Variants in CSMD3 observed in about 807,000 individuals in gnomAD.
CSMD3 encodes CUB and sushi domain-containing protein 3.
CSMD3 carries 177 observed loss-of-function variants against 435.2 expected under a neutral mutation model. That is an observed-to-expected ratio of 0.41 (90% CI 0.36 to 0.46). The LOEUF is 0.46. CSMD3 is among the 20% of genes least tolerant of loss of function. CSMD3 has a pLI of 0.34. For missense variants in CSMD3, 4,265 were observed against 4,504.6 expected, an observed-to-expected ratio of 0.95 and a Z score of 1.52; for synonymous variants, 1,656 against 1,520.5, an observed-to-expected ratio of 1.09 and a Z score of -2.07.
intron 1 of CSMD3, among the ~76,000 whole-genome samples, chr8:113,409,388 G>T (rs2094548174): frequency 6.6e-6 from 1 of 151,750 alleles, no homozygotes; most frequent in Admixed American, 6.6e-5. Flanking sequence ...CGGCCAATAA[G>T]ACATTTTACT....
At chr8:112,594,573 A>T (rs1388958115) in intron 22 of CSMD3, among the ~76,000 whole-genome samples, 1 of 152,208 alleles carries the variant, frequency 6.6e-6, no homozygotes, top group Non-Finnish European at 1.5e-5. Context: ...CAGGGCACAA[A>T]CAAAAAGACA....
intron 40 of CSMD3, 55 bp downstream of exon 40, chr8:112,351,120 C>CTTT: frequency 9.5e-7 from 1 of 1,054,092 alleles, no homozygotes; most frequent in Non-Finnish European, 1.5e-6. Flanking sequence ...ACTTTATAGT[C>CTTT]TTTTTTTTTA....
At chr8:112,970,291 T>C (rs953308882) in intron 7 of CSMD3, among the ~76,000 whole-genome samples, 1 of 149,804 alleles carries the variant, frequency 6.7e-6, no homozygotes, top group Non-Finnish European at 1.5e-5. Flanking sequence ...TATTTTAAGT[T>C]AAATATTAAC....
chr8:112,813,436 C>A (rs777196032), intron 12 of CSMD3, among the ~76,000 whole-genome samples: 1 of 152,000 alleles, frequency 6.6e-6, no homozygotes, highest in Non-Finnish European at 1.5e-5. Context: ...TAGGATTGTA[C>A]AGGACTTTAC....
Position 113,055,741 on chromosome 8 carries a change from T to A in CSMD3, c.918-36562A>T, listed in dbSNP as rs2088302740. Among the ~76,000 whole-genome samples the A allele has an allele frequency of 1.3e-5, 2 of 152,216 alleles. 1 individual carries two copies. The highest frequency in any genetic ancestry group is 2.9e-5 in the Non-Finnish European group (2 of 68,028). ...GTTATAAAGGAAGATTGGTTGATTTTTCAGGGATAGCAGAGTTTCTTGAGT... is the reference window on the plus strand; with the variant it reads ...GTTATAAAGGAAGATTGGTTGATTTATCAGGGATAGCAGAGTTTCTTGAGT... On this transcript the variant is annotated intron_variant, in intron 5 of 70. Transcript: ENST00000297405.
chr8:112,757,684 A>C (rs2077732575), intron 13 of CSMD3, among the ~76,000 whole-genome samples: 1 of 152,138 alleles, frequency 6.6e-6, no homozygotes, highest in Non-Finnish European at 1.5e-5. Context: ...AGGAGAGGTG[A>C]TCCCTACATA....
At chr8:112,426,666 C>T (rs1813098881) in intron 32 of CSMD3, among the ~76,000 whole-genome samples, 3 of 152,192 alleles carry the variant, frequency 2.0e-5, no homozygotes, top group Non-Finnish European at 4.4e-5. Flanking sequence ...TTAAGGTTTG[C>T]TCAAATACTT....
Position 112,346,217 on chromosome 8 carries a change from CA to C in CSMD3, c.6326-5del. The C allele has an allele frequency of 6.4e-7, 1 of 1,552,880 alleles. No individual in the cohort carries two copies. The highest frequency in any genetic ancestry group is 8.9e-7 in the Non-Finnish European group (1 of 1,124,194). On this transcript the variant is annotated splice_polypyrimidine_tract_variant and splice_region_variant and intron_variant, in intron 40 of 70. Coordinates refer to ENST00000297405, the MANE Select transcript of CSMD3 (RefSeq NM_198123.2). ...GACATAGCACCACCACACTGAGCTGCAAAATAACAGAAATCCAAAGTAAACC... is the reference window on the plus strand; with the variant it reads ...GACATAGCACCACCACACTGAGCTGCAAATAACAGAAATCCAAAGTAAACC...
chr8:112,532,868 T>C (rs1236152714), intron 27 of CSMD3, among the ~76,000 whole-genome samples: 4 of 152,046 alleles, frequency 2.6e-5, no homozygotes, highest in South Asian at 2.1e-4. Context: ...GACACATCTA[T>C]CAAAAATAAC....
chr8:113,173,810 T>C lies in CSMD3; in HGVS notation c.621A>G (p.Gly207=), dbSNP rs2092306690. ...GDKIRYSCVT[G]YILDGHPQLT... ...GCTGAGGGTGGCCATCAAGGATGTA[T>C]CCAGTTACACAGCTGTAGCGGATCT... Residue 207 remains glycine (G), a synonymous_variant, in exon 4 of 71, where the codon GGA becomes GGG. Coordinates refer to ENST00000297405, the MANE Select transcript of CSMD3 (RefSeq NM_198123.2). 1.9e-6 allele frequency: 3 copies of C among 1,613,868 alleles called. No individual in the cohort carries two copies.
In CSMD3 at chr8:113,032,010, G is replaced by A. The variant is rs546555016; in HGVS notation, c.918-12831C>T. Among the ~76,000 whole-genome samples, 63 of 151,572 alleles carry A rather than the reference G, an allele frequency of 4.2e-4. 3 individuals carry two copies. Among genetic ancestry groups the A allele is most frequent in the Admixed American group, 3.7e-3 (57 of 15,206 alleles). On this transcript the variant is annotated intron_variant, in intron 5 of 70. Coordinates refer to ENST00000297405, the MANE Select transcript of CSMD3 (RefSeq NM_198123.2). ...GTAAGAAAGCGTTTTCTTCTCTTTC[G>A]CCTTCTGCCATGATAGTAAGTCTCC...
At chr8:112,476,005 T>G (rs1819007990) in intron 31 of CSMD3, among the ~76,000 whole-genome samples, 1 of 152,192 alleles carries the variant, frequency 6.6e-6, no homozygotes, top group Non-Finnish European at 1.5e-5. Flanking sequence ...TGATTATAAC[T>G]TATGTAGTTA....
intron 2 of CSMD3, among the ~76,000 whole-genome samples, chr8:113,281,730 TTTG>T (rs1489348884): frequency 6.6e-6 from 1 of 151,846 alleles, no homozygotes; most frequent in African/African-American, 2.4e-5. Flanking sequence ...TTGTTTTTTA[TTTG>T]TTTTTGGTTT....
chr8:112,407,371 C>T (rs180675742), intron 34 of CSMD3, among the ~76,000 whole-genome samples: 2 of 151,732 alleles, frequency 1.3e-5, no homozygotes, highest in Non-Finnish European at 1.5e-5. Context: ...TTTAATTGTG[C>T]CTTTTTTTTG....
At chr8:112,527,927 C>T (rs999715478) in intron 27 of CSMD3, among the ~76,000 whole-genome samples, 1 of 152,022 alleles carries the variant, frequency 6.6e-6, no homozygotes, top group African/African-American at 2.4e-5. Context: ...AGGGAGCTGG[C>T]ATATTAACAC....
At chr8:112,499,056 T>C (rs1053093663) in intron 30 of CSMD3, among the ~76,000 whole-genome samples, 1 of 152,122 alleles carries the variant, frequency 6.6e-6, no homozygotes, top group Non-Finnish European at 1.5e-5. Flanking sequence ...TTAGAATATG[T>C]GTAGGGGGCT....
intron 13 of CSMD3, among the ~76,000 whole-genome samples, chr8:112,707,311 A>G (rs905228122): frequency 6.6e-6 from 1 of 152,078 alleles, no homozygotes; most frequent in Non-Finnish European, 1.5e-5. Flanking sequence ...AGTGACAGTG[A>G]AACAAGTGAG....
At chr8:113,009,006 T>C (rs1022254289) in intron 6 of CSMD3, among the ~76,000 whole-genome samples, 2 of 151,606 alleles carry the variant, frequency 1.3e-5, no homozygotes, top group Non-Finnish European at 3.0e-5. Flanking sequence ...GATTATATGT[T>C]GAAATGTTAA....
At chr8:113,375,093 T>C (rs1017995494) in intron 1 of CSMD3, among the ~76,000 whole-genome samples, 4 of 152,180 alleles carry the variant, frequency 2.6e-5, no homozygotes, top group Admixed American at 6.5e-5. Flanking sequence ...AATTTCTCTA[T>C]GGCTTTTCCT....
Sources: allele counts gnomAD v4.1 joint callset (sites outside exome capture counted in the v4.1 genomes callset), GRCh38; gene constraint gnomAD v4.1.1; transcripts MANE v1.5; gene names NCBI Gene and HGNC (gene_info 2026-07-23, HGNC 2026-07-21).